MID2: variants seen among roughly 807,000 people sequenced by gnomAD.
MID2 encodes the protein midline 2, also known as probable E3 ubiquitin-protein ligase MID2.
A neutral mutation model predicts 46.1 loss-of-function variants in MID2; 13 were observed. The ratio of observed to expected loss-of-function variants is 0.28; its 90% CI spans 0.18 to 0.45. MID2 has a LOEUF of 0.45. Ranked by LOEUF, MID2 falls within the 20% of genes least tolerant of loss-of-function variation. The probability of loss-of-function intolerance (pLI) is 1.00; values close to 1 mark genes in which losing one functional copy is unlikely to be tolerated. For synonymous variants in MID2, 199 were observed against 212.3 expected (o/e 0.94, Z 0.55); for missense variants, 431 against 575.4 (o/e 0.75, Z 2.57).
intron 3 of MID2, among the ~76,000 whole-genome samples, chrX:107,862,210 A>T (rs978342595): frequency 9.0e-6 from 1 of 111,556 alleles, no homozygotes; most frequent in African/African-American, 3.3e-5. Flanking sequence ...TAATAGCAGG[A>T]ACAGTTGCTA....
At position 107,878,625 on chromosome X, in the gene MID2, G is replaced by A. The variant is rs143248182; in HGVS notation, c.816+23921G>A. Among the ~76,000 whole-genome samples, 250 of 112,177 alleles carry A rather than the reference G, an allele frequency of 2.2e-3. 1 individual carries two copies. The highest frequency in any genetic ancestry group is 7.8e-3 in the African/African-American group (242 of 30,914). On this transcript the variant is annotated intron_variant, in intron 3 of 9. Transcript: ENST00000262843. ...ATTGGGGATGGGGTCCAGTTCAGGG[G>A]CCTTCTGGCAACAACGAGGAGTGGC...
chrX:107,833,216 C>T (rs939024086), intron 1 of MID2, among the ~76,000 whole-genome samples: 11 of 110,509 alleles, frequency 1.0e-4, no homozygotes, highest in African/African-American at 3.0e-4. Flanking sequence ...CTATAATAAT[C>T]GGATGTCAGA....
Position 107,928,301 on chromosome X carries a change from A to G in MID2, c.*1228A>G, listed in dbSNP as rs1485175379. The stretch of plus-strand genomic sequence containing the variant: ...AATCATTCCTTTTGCAATCTTGTTT[A>G]CAGTATTCATTCTCTTAGCCAATCC... On this transcript the variant is annotated 3_prime_UTR_variant, in exon 10 of 10. Coordinates refer to ENST00000262843, the MANE Select transcript of MID2 (RefSeq NM_012216.4). Among the ~76,000 whole-genome samples the G allele has an allele frequency of 8.9e-6, 1 of 111,968 alleles. No homozygotes were observed. The highest frequency in any genetic ancestry group is 1.9e-5 in the Non-Finnish European group (1 of 53,118).
chrX:107,889,313 C>G (rs1417511653), intron 3 of MID2, among the ~76,000 whole-genome samples: 2 of 111,607 alleles, frequency 1.8e-5, no homozygotes, highest in Non-Finnish European at 3.8e-5. Flanking sequence ...TAGGGCAGGC[C>G]TGGTGGTGAC....
chrX:107,826,276 GA>G lies in MID2; in HGVS notation c.-149del. ...CGGCGACGGTAGCGGCAGCGGCGGCGAAGGCGGGCGGCGGCCTACAGTGGTA... is the reference window on the plus strand; with the variant it reads ...CGGCGACGGTAGCGGCAGCGGCGGCGAGGCGGGCGGCGGCCTACAGTGGTA... On this transcript the variant is annotated 5_prime_UTR_variant, in exon 1 of 10. Coordinates refer to ENST00000262843, the MANE Select transcript of MID2 (RefSeq NM_012216.4). 1.8e-6 allele frequency: 1 copy of G among 556,816 alleles called. No homozygotes were observed. The highest frequency in any genetic ancestry group is 2.4e-6 in the Non-Finnish European group (1 of 414,522). The allele number at this position is 556,816 out of a possible 1,213,427, so 45.9% of individuals were successfully genotyped here. A position where few individuals can be genotyped will look rare whatever the true frequency, so the allele number is the denominator to read the frequency against.
intron 3 of MID2, among the ~76,000 whole-genome samples, chrX:107,873,992 T>G (rs1932135796): frequency 8.9e-6 from 1 of 112,382 alleles, no homozygotes; most frequent in Non-Finnish European, 1.9e-5. Flanking sequence ...TTTGGCTAAT[T>G]AAGCACTTGT....
rs989699673 is a variant in MID2, at chrX:107,921,536, A to G, written c.1436-2807A>G. 3.6e-5 allele frequency among the ~76,000 whole-genome samples: 4 copies of G among 111,380 alleles called. No individual in the cohort carries two copies. In the East Asian group the frequency reaches 1.1e-3, roughly 31 times the overall value. On this transcript the variant is annotated intron_variant, in intron 7 of 9. Transcript: ENST00000262843. The stretch of plus-strand genomic sequence containing the variant: ...ACCCTTGTTTTATTATCAGTTGATG[A>G]TACTTGCCTGAATCAATCATTAATA...
intron 2 of MID2, among the ~76,000 whole-genome samples, chrX:107,843,133 G>GGAGCGGGGTTATAGGAA (rs1408317776): frequency 8.9e-6 from 1 of 112,155 alleles, no homozygotes; most frequent in Admixed American, 9.5e-5. Flanking sequence ...GCAAAAGATA[G>GGAGCGGGGTTATAGGAA]GAGCGGGGTT....
At chrX:107,881,689 C>T (rs1932322070) in intron 3 of MID2, among the ~76,000 whole-genome samples, 1 of 112,127 alleles carries the variant, frequency 8.9e-6, no homozygotes, top group South Asian at 3.7e-4. Flanking sequence ...AAACAGCACT[C>T]ATTAATTATT....
At chrX:107,894,038 C>T (rs1932660708) in intron 3 of MID2, among the ~76,000 whole-genome samples, 2 of 112,089 alleles carry the variant, frequency 1.8e-5, no homozygotes, top group Non-Finnish European at 3.8e-5. Context: ...AAGCCATCAC[C>T]CATGCTCTAA....
At chrX:107,841,524 C>T in intron 2 of MID2, 139 bp downstream of exon 2, 4 of 452,947 alleles carry the variant, frequency 8.8e-6, no homozygotes, top group Middle Eastern at 6.1e-4. Context: ...AACCTGCTCT[C>T]CTGCAAGCTC....
chrX:107,901,104 A>G (rs758277659), intron 3 of MID2: 1 of 111,980 alleles, frequency 8.9e-6, no homozygotes, highest in Non-Finnish European at 1.9e-5. Flanking sequence ...AAGGGCTTCA[A>G]CCTATTGGTT....
intron 3 of MID2, among the ~76,000 whole-genome samples, chrX:107,890,954 A>G (rs1173454948): frequency 1.8e-5 from 2 of 109,877 alleles, no homozygotes; most frequent in Non-Finnish European, 3.8e-5. Context: ...GTTTGCTAAG[A>G]CCATTGGAAA....
intron 3 of MID2, among the ~76,000 whole-genome samples, chrX:107,862,930 A>G (rs1316909997): frequency 1.8e-5 from 2 of 112,078 alleles, no homozygotes; most frequent in Non-Finnish European, 3.8e-5. Flanking sequence ...TAGATGGAGA[A>G]AATTGTTTCC....
rs1569472206 is a variant in MID2, at chrX:107,926,078, T to C, written c.1598-16T>C. On this transcript the variant is annotated splice_polypyrimidine_tract_variant and intron_variant, in intron 8 of 9. Coordinates refer to ENST00000262843, the MANE Select transcript of MID2 (RefSeq NM_012216.4). ...CATAGTGCTTTTTCTTTTTTTTTTT[T>C]CTACTTATTTTTCAGGCCAACCCTT... 4.4e-6 allele frequency: 5 copies of C among 1,139,344 alleles called. No individual in the cohort carries two copies. Among genetic ancestry groups the C allele is most frequent in the South Asian group, 1.9e-5 (1 of 51,872 alleles). 93.9% of individuals were successfully genotyped at this position (1,139,344 alleles called of 1,213,427 possible). A position where few individuals can be genotyped will look rare whatever the true frequency, so the allele number is the denominator to read the frequency against.
At chrX:107,894,864 T>TGTGA (rs762096346) in intron 3 of MID2, 3 of 26,087 alleles carry the variant, frequency 1.2e-4, no homozygotes, top group Middle Eastern at 0.014. Flanking sequence ...TGTGTGTGTG[T>TGTGA]GAAAGAGAGA....
At chrX:107,827,017 T>C (rs1306209194) in intron 1 of MID2, among the ~76,000 whole-genome samples, 1 of 112,601 alleles carries the variant, frequency 8.9e-6, no homozygotes, top group Non-Finnish European at 1.9e-5. Context: ...ATCAGCTCTG[T>C]GGGGGAGAGG....
chrX:107,892,725 A>G (rs377170433), intron 3 of MID2, among the ~76,000 whole-genome samples: 2 of 110,102 alleles, frequency 1.8e-5, no homozygotes, highest in East Asian at 5.7e-4. Flanking sequence ...TCTGCTGTGA[A>G]TCTCCCCTTC....
At position 107,883,256 on chromosome X, in the gene MID2, C is replaced by T. The variant is rs188399825; in HGVS notation, c.817-20702C>T. Among the ~76,000 whole-genome samples the T allele has an allele frequency of 1.7e-4, 19 of 110,955 alleles. No individual in the cohort carries two copies. In the East Asian group the frequency reaches 3.9e-3, roughly 23 times the overall value. On this transcript the variant is annotated intron_variant, in intron 3 of 9. Transcript: ENST00000262843. ...GAGGAGAAATGCCTAATGTAGGTGACGGGTTGATGGGTACAGCAAACCACC... is the reference window on the plus strand; with the variant it reads ...GAGGAGAAATGCCTAATGTAGGTGATGGGTTGATGGGTACAGCAAACCACC...
Sources: gnomAD v4.1 joint callset for allele counts (sites outside exome capture counted in the v4.1 genomes callset) on GRCh38, gnomAD v4.1.1 for gene constraint, MANE v1.5 for transcripts, NCBI Gene and HGNC (gene_info 2026-07-23, HGNC 2026-07-21) for gene names.